The following PLEKHA5 variants were observed in gnomAD, a reference collection of about 807,000 sequenced individuals.
PLEKHA5 encodes pleckstrin homology domain containing A5.
PLEKHA5 carries 55 observed loss-of-function variants against 181.9 expected under a neutral mutation model. That is an observed-to-expected ratio of 0.30 (90% confidence interval 0.24 to 0.38). PLEKHA5 has a LOEUF of 0.38. Ranked by LOEUF, PLEKHA5 falls within the 10% of genes least tolerant of loss-of-function variation. The pLI, the probability that PLEKHA5 is intolerant of heterozygous loss-of-function variation, is 1.00. For synonymous variants in PLEKHA5, 535 were observed against 529.4 expected (o/e 1.01, Z -0.15); for missense variants, 1,432 against 1,549.5 (o/e 0.92, Z 1.27).
At chr12:19,360,434 C>A (rs966606626) in intron 28 of PLEKHA5, among the ~76,000 whole-genome samples, 1 of 151,816 alleles carries the variant, frequency 6.6e-6, no homozygotes, top group East Asian at 1.9e-4. Context: ...AGTGAAACCC[C>A]ATATCTACTA....
chr12:19,228,903 G>A (rs1370399357), intron 3 of PLEKHA5, among the ~76,000 whole-genome samples: 3 of 152,084 alleles, frequency 2.0e-5, no homozygotes, highest in Non-Finnish European at 4.4e-5. Context: ...AACCATTTAT[G>A]TGATTTTTTT....
chr12:19,130,104 T>C lies in PLEKHA5; in HGVS notation c.143T>C (p.Val48Ala). The C allele has an allele frequency of 1.3e-6, 2 of 1,585,034 alleles. No homozygotes were observed. Among genetic ancestry groups the C allele is most frequent in the South Asian group, 1.2e-5 (1 of 86,714 alleles). The change falls in exon 2 of 32, where the codon GTC becomes GCC. Residue 48 changes from valine (V) to alanine (A), a missense_variant. Coordinates refer to ENST00000429027, the MANE Select transcript of PLEKHA5 (RefSeq NM_001256470.2). This position sits in a 1 kb window ranked among gnomAD's most constrained non-coding sequence, Gnocchi z 4.5. ...WLHPVTGEAV[V>A]TGHRRQSTDL... ...CACCCCGTCACCGGCGAGGCGGTGG[T>C]CACCGGACACCGGCGGCAGAGCACA...
chr12:19,291,804 A>G (rs930163769), intron 15 of PLEKHA5, 107 bp downstream of exon 15: 14 of 595,064 alleles, frequency 2.4e-5, no homozygotes, highest in Non-Finnish European at 3.4e-5. Context: ...AATTAATAAC[A>G]TGACTTTTAC....
intron 15 of PLEKHA5, chr12:19,303,691 C>T (rs2082247186): frequency 6.6e-6 from 1 of 151,934 alleles, no homozygotes; most frequent in Non-Finnish European, 1.5e-5. Flanking sequence ...TGCAGCAGGT[C>T]AAGACTTCTG....
intron 3 of PLEKHA5, among the ~76,000 whole-genome samples, chr12:19,144,025 AG>A (rs2038198094): frequency 6.6e-6 from 1 of 152,190 alleles, no homozygotes; most frequent in Non-Finnish European, 1.5e-5. Flanking sequence ...ATTGCCCTTT[AG>A]AAAATTTGTG....
At chr12:19,352,791 CT>C (rs1024168567) in intron 25 of PLEKHA5, among the ~76,000 whole-genome samples, 4 of 149,884 alleles carry the variant, frequency 2.7e-5, no homozygotes, top group Non-Finnish European at 4.5e-5. Flanking sequence ...TCTCTTTTTT[CT>C]TTTTTTTTGT....
In PLEKHA5 at chr12:19,144,268, T is replaced by G. The variant is rs182455769; in HGVS notation, c.227+11818T>G. ...GAACTCAGTGGCTTAAAACGATGAT[T>G]TCTAATTTCTCACTTTTCTTTAAGT... On this transcript the variant is annotated intron_variant, in intron 3 of 31. Transcript: ENST00000429027. 1.4e-3 allele frequency among the ~76,000 whole-genome samples: 220 copies of G among 152,304 alleles called. 1 individual carries two copies. The highest frequency in any genetic ancestry group is 3.4e-3 in the Middle Eastern group (1 of 294).
At position 19,274,870 on chromosome 12, in the gene PLEKHA5, A is replaced by G; in HGVS notation, c.1200A>G (p.Thr400=). Residue 400 remains threonine (T), a synonymous_variant, in exon 11 of 32, where the codon ACA becomes ACG. Coordinates refer to ENST00000429027, the MANE Select transcript of PLEKHA5 (RefSeq NM_001256470.2). Reference sequence around the variant, plus strand: ...TTAGAGGTGGAAATCGCCCCAATACAGGGCCCTTATACACAGAGGCCGATC... The same window carrying G: ...TTAGAGGTGGAAATCGCCCCAATACGGGGCCCTTATACACAGAGGCCGATC... ...ADLRGGNRPN[T]GPLYTEADRV... 1.2e-6 allele frequency: 2 copies of G among 1,613,892 alleles called. No individual in the cohort carries two copies. Among genetic ancestry groups the G allele is most frequent in the Non-Finnish European group, 1.7e-6 (2 of 1,179,852 alleles).
At chr12:19,217,050 A>G (rs2058103192) in intron 3 of PLEKHA5, among the ~76,000 whole-genome samples, 1 of 152,220 alleles carries the variant, frequency 6.6e-6, no homozygotes, top group African/African-American at 2.4e-5. Flanking sequence ...AGTAAATGCA[A>G]TAGCCAATAT....
At chr12:19,340,460 A>G (rs1408183724) in intron 21 of PLEKHA5, among the ~76,000 whole-genome samples, 3 of 112,206 alleles carry the variant, frequency 2.7e-5, no homozygotes, top group Admixed American at 9.0e-5. Flanking sequence ...TGTACTCAAC[A>G]GCTCATTGAG....
chr12:19,316,987 A>G (rs976568689), intron 16 of PLEKHA5, among the ~76,000 whole-genome samples: 1 of 152,198 alleles, frequency 6.6e-6, no homozygotes, highest in East Asian at 1.9e-4. Context: ...GTTTTTGGAA[A>G]TGTTTGCATT....
rs1022284841 is a variant in PLEKHA5 at position 19,232,960 on chromosome 12, C to T, written c.228-20980C>T. Reference sequence around the variant, plus strand: ...TCTACTTCAGTTTATATAGTTGTTACCTGTGCCATAAGTTCATGGGATATT... The same window carrying T: ...TCTACTTCAGTTTATATAGTTGTTATCTGTGCCATAAGTTCATGGGATATT... On this transcript the variant is annotated intron_variant, in intron 3 of 31. Coordinates refer to ENST00000429027, the MANE Select transcript of PLEKHA5 (RefSeq NM_001256470.2). Among the ~76,000 whole-genome samples, 6 of 152,058 alleles carry T rather than the reference C, an allele frequency of 3.9e-5. No homozygotes were observed. The East Asian group carries it at 1.2e-3, about 29-fold the overall frequency.
chr12:19,132,610 A>G (rs1013961050), intron 3 of PLEKHA5, among the ~76,000 whole-genome samples, 160 bp downstream of exon 3: 4 of 152,082 alleles, frequency 2.6e-5, no homozygotes, highest in African/African-American at 7.2e-5. Flanking sequence ...ATTTTGAGAG[A>G]AGAAAATGGC....
intron 25 of PLEKHA5, among the ~76,000 whole-genome samples, chr12:19,349,487 A>G (rs1017320295): frequency 1.1e-4 from 17 of 152,180 alleles, no homozygotes; most frequent in African/African-American, 4.1e-4. Context: ...TTCACACAAT[A>G]TCAACAAAGT....
intron 8 of PLEKHA5, among the ~76,000 whole-genome samples, chr12:19,266,456 C>T (rs1741710068): frequency 6.6e-6 from 1 of 151,824 alleles, no homozygotes; most frequent in African/African-American, 2.4e-5. Context: ...TGCAGTCCGG[C>T]CTGGGCAACA....
rs556714241 is a variant in PLEKHA5 at position 19,347,145 on chromosome 12, A to G, written c.2861A>G (p.Tyr954Cys). 33 of 1,550,264 alleles carry G rather than the reference A, an allele frequency of 2.1e-5. 1 individual carries two copies. In the South Asian group the frequency reaches 3.5e-4, roughly 16 times the overall value. Residue 954 changes from tyrosine (Y) to cysteine (C), a missense_variant, in exon 24 of 32, where the codon TAT becomes TGT. This residue lies in a region of PLEKHA5 where 1,143 missense variants were observed against 1,168.4 expected (regional missense o/e 0.98). Coordinates refer to ENST00000429027, the MANE Select transcript of PLEKHA5 (RefSeq NM_001256470.2). ...PVHLPEEKKM[Y>C]QVQGYPRNGS... Reference sequence around the variant, plus strand: ...CATCTGCCTGAAGAAAAGAAGATGTATCAAGTTCAAGGATATCCAAGAAAT... The same window carrying G: ...CATCTGCCTGAAGAAAAGAAGATGTGTCAAGTTCAAGGATATCCAAGAAAT...
chr12:19,308,481 C>T (rs1410958381), intron 15 of PLEKHA5, among the ~76,000 whole-genome samples: 3 of 152,082 alleles, frequency 2.0e-5, no homozygotes, highest in Non-Finnish European at 4.4e-5. Flanking sequence ...TTACTATTGG[C>T]GCTGCTTCAT....
chr12:19,310,687 C>A (rs1009741239), intron 15 of PLEKHA5, among the ~76,000 whole-genome samples: 1 of 151,476 alleles, frequency 6.6e-6, no homozygotes, highest in African/African-American at 2.4e-5. Flanking sequence ...GAAGCCAAGG[C>A]GGGCGGATTG....
At chr12:19,161,305 C>CA (rs1565883442) in intron 3 of PLEKHA5, among the ~76,000 whole-genome samples, 2 of 152,138 alleles carry the variant, frequency 1.3e-5, no homozygotes, top group Non-Finnish European at 2.9e-5. Context: ...CCCTTCCCCC[C>CA]ACAGCTTATT....
Sources: allele counts gnomAD v4.1 joint callset (sites outside exome capture counted in the v4.1 genomes callset), GRCh38; gene constraint gnomAD v4.1.1; regional missense constraint gnomAD v4.1.1; non-coding constraint Gnocchi (gnomAD v3.1); transcripts MANE v1.5; gene names NCBI Gene and HGNC (gene_info 2026-07-23, HGNC 2026-07-21).